DMD: variants seen among roughly 807,000 people sequenced by gnomAD.
The protein encoded by DMD is dystrophin, also known as mutant dystrophin.
Under a neutral mutation model 330.1 loss-of-function variants are expected in DMD, and 63 were observed. That is an observed-to-expected ratio of 0.19 (90% CI 0.16 to 0.24). The LOEUF (loss-of-function observed/expected upper bound fraction) is 0.24, where lower values mean the gene tolerates loss of function less well. DMD is among the 10% of genes least tolerant of loss of function. The pLI is 1.00. For missense variants in DMD, 3,344 were observed against 2,684.1 expected, an observed-to-expected ratio of 1.25 and a Z score of -5.43; for synonymous variants, 1,223 against 959.8, an observed-to-expected ratio of 1.27 and a Z score of -5.07.
chrX:32,370,449 T>C (rs1159595474), intron 34 of DMD, among the ~76,000 whole-genome samples: 3 of 111,415 alleles, frequency 2.7e-5, no homozygotes, highest in Middle Eastern at 4.7e-3. Context: ...GTGGATTCTA[T>C]AGCAATGTGT....
At chrX:32,599,768 A>G (rs1481273386) in intron 12 of DMD, among the ~76,000 whole-genome samples, 1 of 111,955 alleles carries the variant, frequency 8.9e-6, no homozygotes, top group Non-Finnish European at 1.9e-5. Context: ...TTTATTATGC[A>G]TTTATTTTCA....
intron 4 of DMD, among the ~76,000 whole-genome samples, chrX:32,837,576 T>C (rs957947923): frequency 8.9e-6 from 1 of 111,803 alleles, no homozygotes; most frequent in African/African-American, 3.3e-5. Flanking sequence ...TTCACCATAG[T>C]TTCTTCCTTT....
intron 15 of DMD, among the ~76,000 whole-genome samples, chrX:32,573,236 C>T (rs948651079): frequency 8.9e-6 from 1 of 111,895 alleles, no homozygotes; most frequent in Non-Finnish European, 1.9e-5. Context: ...CTGCTTAGAA[C>T]TTTATGAAAG....
chrX:32,463,418 A>G (rs1208534697), intron 25 of DMD, 21 bp downstream of exon 25: 3 of 1,184,653 alleles, frequency 2.5e-6, no homozygotes, highest in Admixed American at 2.3e-5. Context: ...GGCAAGCCAC[A>G]GTGAAAGAGA....
intron 42 of DMD, among the ~76,000 whole-genome samples, chrX:32,305,114 A>G (rs895866514): frequency 2.7e-5 from 3 of 111,415 alleles, no homozygotes; most frequent in African/African-American, 9.8e-5. Flanking sequence ...TCCTTCAGAT[A>G]TTTTGTTTGG....
At chrX:32,762,771 T>C (rs1406612009) in intron 7 of DMD, among the ~76,000 whole-genome samples, 3 of 110,718 alleles carry the variant, frequency 2.7e-5, no homozygotes, top group African/African-American at 9.9e-5. Flanking sequence ...GCTGGCTGCT[T>C]TCAGACTCCA....
In DMD at chrX:32,908,753, G is replaced by A. The variant is rs950355637; in HGVS notation, c.94-58933C>T. Reference sequence around the variant, plus strand: ...CTTTGACATCTGAATCTATGAAAGGGCTCAAATACCAAAAAGGATCTTCCA... The same window carrying A: ...CTTTGACATCTGAATCTATGAAAGGACTCAAATACCAAAAAGGATCTTCCA... On this transcript the variant is annotated intron_variant, in intron 2 of 78. Transcript: ENST00000357033. 3.6e-5 allele frequency among the ~76,000 whole-genome samples: 4 copies of A among 111,514 alleles called. No homozygotes were observed. The South Asian group carries it at 1.1e-3, about 31-fold the overall frequency.
chrX:32,266,167 G>C (rs1407096355), intron 43 of DMD, among the ~76,000 whole-genome samples: 1 of 111,573 alleles, frequency 9.0e-6, no homozygotes, highest in Non-Finnish European at 1.9e-5. Context: ...TGCTGTTCTT[G>C]TGATAGTGAG....
intron 43 of DMD, among the ~76,000 whole-genome samples, chrX:32,246,128 A>T (rs1231964589): frequency 1.1e-5 from 1 of 87,822 alleles, no homozygotes; most frequent in African/African-American, 4.2e-5. Context: ...TTATTTTGAG[A>T]TATGTCCCAT....
chrX:31,792,070 GA>G lies in DMD; in HGVS notation c.7310-17879del, dbSNP rs200157823. On this transcript the variant is annotated intron_variant, in intron 50 of 78. Coordinates refer to ENST00000357033, the MANE Select transcript of DMD (RefSeq NM_004006.3). ...TATATGATCTGATAGTCTTACTTAG[GA>G]GTTAAGGGATTCATCCCTGCCCAGT... 4.3e-3 allele frequency among the ~76,000 whole-genome samples: 477 copies of G among 111,665 alleles called. 2 individuals are homozygous for G. Among genetic ancestry groups the G allele is most frequent in the African/African-American group, 0.014 (418 of 30,829 alleles).
chrX:31,303,253 T>C (rs1254304870), intron 62 of DMD, among the ~76,000 whole-genome samples: 1 of 111,902 alleles, frequency 8.9e-6, no homozygotes, highest in Non-Finnish European at 1.9e-5. Context: ...TTTCAGTTAC[T>C]AGCTATATAC....
chrX:32,815,895 G>A lies in DMD; in HGVS notation c.530+573C>T, dbSNP rs186763675. Reference sequence around the variant, plus strand: ...AACATTGTGTCATATAATTAATTGTGTTCTGCTCTTTGTCTTGGTTACTAA... The same window carrying A: ...AACATTGTGTCATATAATTAATTGTATTCTGCTCTTTGTCTTGGTTACTAA... On this transcript the variant is annotated intron_variant, in intron 6 of 78. Coordinates refer to ENST00000357033, the MANE Select transcript of DMD (RefSeq NM_004006.3). 1.4e-3 allele frequency among the ~76,000 whole-genome samples: 153 copies of A among 110,920 alleles called. 1 individual carries two copies. The highest frequency in any genetic ancestry group is 4.8e-3 in the African/African-American group (147 of 30,568).
rs200928985 is a variant in DMD at position 31,223,056 on chromosome X, C to A, written c.9352G>T (p.Ala3118Ser). 3.5e-5 allele frequency: 42 copies of A among 1,207,203 alleles called. No individual in the cohort carries two copies. Among genetic ancestry groups the A allele is most frequent in the Non-Finnish European group, 4.6e-5 (41 of 892,559 alleles). Residue 3118 changes from alanine to serine, a missense_variant, in exon 64 of 79, where the codon GCC (alanine) becomes TCC (serine). Ala to Ser is a moderately conservative substitution (Grantham distance 99, BLOSUM62 1). Coordinates refer to ENST00000357033, the MANE Select transcript of DMD (RefSeq NM_004006.3). ...TAMKLRRLQK[A>S]LCLDLLSLSA... ...ACTGGCCAATACTTACAGCAAAGGG[C>A]CTTCTGCAGTCTTCGGAGTTTCATG...
intron 4 of DMD, among the ~76,000 whole-genome samples, chrX:32,833,096 G>A (rs775542401): frequency 6.0e-4 from 67 of 111,340 alleles, no homozygotes; most frequent in African/African-American, 1.8e-3. Flanking sequence ...TATATGCCAC[G>A]CATAGAATGT....
At chrX:31,379,360 T>C (rs2060042793) in intron 60 of DMD, among the ~76,000 whole-genome samples, 1 of 111,049 alleles carries the variant, frequency 9.0e-6, no homozygotes, top group African/African-American at 3.3e-5. Context: ...AGGTTAATGC[T>C]CCTTTTTCTT....
In DMD at chrX:32,536,022, T is replaced by G. The variant is rs1433825492; in HGVS notation, c.2168+9137A>C. 2.7e-5 allele frequency among the ~76,000 whole-genome samples: 3 copies of G among 111,000 alleles called. No homozygotes were observed. The Admixed American group carries it at 2.9e-4, about 11-fold the overall frequency. ...TGGCTCATGCCTCTAATCCCAGTAC[T>G]TTGGGAGGCCTTAGCAGTCGGATCA... On this transcript the variant is annotated intron_variant, in intron 17 of 78. Coordinates refer to ENST00000357033, the MANE Select transcript of DMD (RefSeq NM_004006.3).
intron 2 of DMD, among the ~76,000 whole-genome samples, chrX:32,853,006 A>C (rs5928092): frequency 0.055 from 6,120 of 112,056 alleles, 178 homozygotes; most frequent in Middle Eastern, 0.11. Context: ...CAAAAAGCTT[A>C]ACAACAACTA....
chrX:32,623,720 T>C (rs947287508), intron 11 of DMD, among the ~76,000 whole-genome samples: 6 of 110,130 alleles, frequency 5.4e-5, no homozygotes, highest in Non-Finnish European at 9.5e-5. Context: ...ATAGATGTGG[T>C]CTCCCTATGT....
chrX:31,458,760 G>A lies in DMD; in HGVS notation c.8938-14133C>T, dbSNP rs1245165699. Among the ~76,000 whole-genome samples the A allele has an allele frequency of 2.5e-4, 27 of 109,953 alleles. 1 individual carries two copies. On this transcript the variant is annotated intron_variant, in intron 59 of 78. Transcript: ENST00000357033. Reference sequence around the variant, plus strand: ...AAATAATCTTTTCACTAATAATTCAGTAATTTTAGATTCAAAGTGGGTCAG... The same window carrying A: ...AAATAATCTTTTCACTAATAATTCAATAATTTTAGATTCAAAGTGGGTCAG...
Sources: gnomAD v4.1 joint callset for allele counts (sites outside exome capture counted in the v4.1 genomes callset) on GRCh38, gnomAD v4.1.1 for gene constraint, MANE v1.5 for transcripts, NCBI Gene and HGNC (gene_info 2026-07-23, HGNC 2026-07-21) for gene names.